PRR5L: variants seen among roughly 807,000 people sequenced by gnomAD.
PRR5L encodes the protein proline-rich protein 5-like.
In PRR5L, 21 loss-of-function variants were observed where a neutral mutation model predicts 36.4. The observed-to-expected ratio is 0.58, with a 90% CI of 0.41 to 0.83. The LOEUF (loss-of-function observed/expected upper bound fraction) is 0.83. Ranked by LOEUF, PRR5L falls within the 40% of genes least tolerant of loss-of-function variation. The probability of loss-of-function intolerance (pLI) is 0.00; values close to 1 mark genes in which losing one functional copy is unlikely to be tolerated. For synonymous variants in PRR5L, 188 were observed against 197.0 expected, an observed-to-expected ratio of 0.95 and a Z score of 0.38; for missense variants, 381 against 473.3, an observed-to-expected ratio of 0.80 and a Z score of 1.81.
chr11:36,397,536 A>G (rs566132627), intron 1 of PRR5L, among the ~76,000 whole-genome samples: 10 of 136,380 alleles, frequency 7.3e-5, no homozygotes, highest in Non-Finnish European at 1.2e-4. Context: ...GGCTCACTGC[A>G]ACCTCCACCT....
At chr11:36,368,770 C>CTGTTT (rs1565420829) in intron 1 of PRR5L, among the ~76,000 whole-genome samples, 1 of 152,092 alleles carries the variant, frequency 6.6e-6, no homozygotes, top group African/African-American at 2.4e-5. Context: ...TACTTTTGTT[C>CTGTTT]TGTTTTGTTT....
chr11:36,420,190 G>C (rs968260027), intron 4 of PRR5L, among the ~76,000 whole-genome samples: 16 of 152,248 alleles, frequency 1.1e-4, no homozygotes, highest in Admixed American at 9.8e-4. Flanking sequence ...CTCATTTGCT[G>C]AGTGGGCAAG....
intron 8 of PRR5L, among the ~76,000 whole-genome samples, chr11:36,454,330 C>T (rs1462111566): frequency 6.6e-6 from 1 of 152,114 alleles, no homozygotes. Context: ...CACAGCAGTG[C>T]CCATCCTGAC....
At chr11:36,384,260 C>T (rs894648336) in intron 1 of PRR5L, among the ~76,000 whole-genome samples, 1 of 152,152 alleles carries the variant, frequency 6.6e-6, no homozygotes, top group Non-Finnish European at 1.5e-5. Flanking sequence ...TTCAGTTGAC[C>T]TTTCATTAGC....
intron 1 of PRR5L, among the ~76,000 whole-genome samples, chr11:36,350,980 T>TTTA (rs1856930270): frequency 2.3e-5 from 1 of 43,378 alleles, no homozygotes; most frequent in East Asian, 3.4e-4. Flanking sequence ...TTATATATAT[T>TTTA]TATATATTTA....
At chr11:36,454,994 C>T (rs1012079938) in intron 8 of PRR5L, among the ~76,000 whole-genome samples, 1 of 152,218 alleles carries the variant, frequency 6.6e-6, no homozygotes, top group Non-Finnish European at 1.5e-5. Flanking sequence ...TTCAAGTCCC[C>T]GAAGTCTCCA....
rs116164545 is a variant in PRR5L, at chr11:36,360,583, A to G, written c.-125-40414A>G. 3.0e-3 allele frequency among the ~76,000 whole-genome samples: 463 copies of G among 152,364 alleles called. 2 individuals carry two copies. The highest frequency in any genetic ancestry group is 0.011 in the African/African-American group (453 of 41,578). Reference sequence around the variant, plus strand: ...TCGCACATGTAACACACACACCCACATGCATGCAAGCCATCAGCTCAAGGC... The same window carrying G: ...TCGCACATGTAACACACACACCCACGTGCATGCAAGCCATCAGCTCAAGGC... On this transcript the variant is annotated intron_variant, in intron 1 of 8. Transcript: ENST00000530639.
intron 1 of PRR5L, among the ~76,000 whole-genome samples, chr11:36,375,463 G>A (rs954927298): frequency 6.6e-6 from 1 of 152,116 alleles, no homozygotes; most frequent in Non-Finnish European, 1.5e-5. Context: ...GGGTCGCAAT[G>A]ACCAAATCAA....
intron 1 of PRR5L, among the ~76,000 whole-genome samples, chr11:36,317,991 G>T (rs1856574957): frequency 6.6e-6 from 1 of 152,064 alleles, no homozygotes; most frequent in South Asian, 2.1e-4. Context: ...AACATTTTTG[G>T]TCAATGACTG....
At chr11:36,309,445 C>T (rs150068093) in intron 1 of PRR5L, among the ~76,000 whole-genome samples, 553 of 152,280 alleles carry the variant, frequency 3.6e-3, no homozygotes, top group African/African-American at 0.013. Flanking sequence ...TCCTCACCTG[C>T]AAGTTAATGG....
At chr11:36,304,287 G>T (rs1466377639) in intron 1 of PRR5L, among the ~76,000 whole-genome samples, 2 of 152,212 alleles carry the variant, frequency 1.3e-5, no homozygotes, top group African/African-American at 4.8e-5. Context: ...TCTGTCTCAA[G>T]GAATTGTTCA....
At chr11:36,454,990 T>C (rs545147420) in intron 8 of PRR5L, among the ~76,000 whole-genome samples, 1 of 152,298 alleles carries the variant, frequency 6.6e-6, no homozygotes, top group South Asian at 2.1e-4. Context: ...ATCTTTCAAG[T>C]CCCCGAAGTC....
chr11:36,305,070 T>C (rs1856416615), intron 1 of PRR5L, among the ~76,000 whole-genome samples: 1 of 152,200 alleles, frequency 6.6e-6, no homozygotes, highest in African/African-American at 2.4e-5. Context: ...AAAAATTCGT[T>C]TAGAAATGTT....
chr11:36,455,649 C>T (rs185669685), intron 8 of PRR5L, among the ~76,000 whole-genome samples: 1 of 152,280 alleles, frequency 6.6e-6, no homozygotes, highest in East Asian at 1.9e-4. Context: ...TGGGAGATTC[C>T]CTTCCCTGGG....
At chr11:36,372,444 C>T (rs2133513337) in intron 1 of PRR5L, among the ~76,000 whole-genome samples, 1 of 152,300 alleles carries the variant, frequency 6.6e-6, no homozygotes, top group East Asian at 1.9e-4. Context: ...TCTACTGCTT[C>T]CTTTATCTCA....
At chr11:36,439,286 T>C (rs1279227726) in intron 6 of PRR5L, among the ~76,000 whole-genome samples, 2 of 151,300 alleles carry the variant, frequency 1.3e-5, no homozygotes, top group African/African-American at 4.9e-5. Context: ...GAATGGAGAG[T>C]GCAGGATCTG....
chr11:36,423,172 G>A (rs527877989), intron 4 of PRR5L, among the ~76,000 whole-genome samples: 1 of 152,290 alleles, frequency 6.6e-6, no homozygotes, highest in African/African-American at 2.4e-5. Context: ...ACTAGGAAGA[G>A]AGGAAACTTA....
intron 5 of PRR5L, among the ~76,000 whole-genome samples, chr11:36,433,574 A>G (rs776929969): frequency 1.3e-5 from 2 of 152,116 alleles, no homozygotes; most frequent in Non-Finnish European, 2.9e-5. Context: ...TTTGAGACAG[A>G]GTCTCACTTC....
intron 7 of PRR5L, among the ~76,000 whole-genome samples, chr11:36,448,445 C>T (rs970601723): frequency 2.0e-5 from 3 of 152,108 alleles, no homozygotes; most frequent in South Asian, 4.1e-4. Context: ...TCCTGGCTGC[C>T]GTGGGATCTT....
Sources: gnomAD v4.1 joint callset for allele counts (sites outside exome capture counted in the v4.1 genomes callset) on GRCh38, gnomAD v4.1.1 for gene constraint, MANE v1.5 for transcripts, NCBI Gene and HGNC (gene_info 2026-07-23, HGNC 2026-07-21) for gene names.